Variants in MGAT4C observed in about 807,000 individuals in gnomAD.
MGAT4C encodes the protein alpha-1,3-mannosyl-glycoprotein 4-beta-N-acetylglucosaminyltransferase C.
A neutral mutation model predicts 40.1 loss-of-function variants in MGAT4C; 19 were observed. That is an observed-to-expected ratio of 0.47 (90% CI 0.33 to 0.70). The LOEUF is 0.70. Among genes scored for constraint, MGAT4C ranks in the 30% least tolerant of loss-of-function variants. The pLI is 0.02. For synonymous variants in MGAT4C, 181 were observed against 187.1 expected (o/e 0.97, Z 0.27); for missense variants, 491 against 563.2 (o/e 0.87, Z 1.30).
intron 1 of MGAT4C, among the ~76,000 whole-genome samples, chr12:86,210,135 T>A (rs1461480389): frequency 6.6e-6 from 1 of 152,160 alleles, no homozygotes; most frequent in Non-Finnish European, 1.5e-5. Context: ...AGAACATGCT[T>A]TTTGAATCGT....
intron 2 of MGAT4C, among the ~76,000 whole-genome samples, chr12:86,646,299 A>T (rs1430274561): frequency 6.6e-6 from 1 of 151,886 alleles, no homozygotes; most frequent in East Asian, 1.9e-4. Context: ...GAGTTCTTTC[A>T]TATTGCCAAG....
intron 2 of MGAT4C, among the ~76,000 whole-genome samples, chr12:86,655,758 C>T (rs1963833773): frequency 2.0e-5 from 3 of 152,048 alleles, no homozygotes; most frequent in African/African-American, 7.2e-5. Context: ...AATCCTAGAA[C>T]CATGCTTCTT....
intron 2 of MGAT4C, among the ~76,000 whole-genome samples, chr12:86,674,031 A>C (rs561380921): frequency 1.3e-5 from 2 of 152,216 alleles, no homozygotes; most frequent in Non-Finnish European, 2.9e-5. Context: ...TTAAAGAATA[A>C]ATTATAAAAT....
chr12:86,664,836 A>G (rs1217692876), intron 2 of MGAT4C, among the ~76,000 whole-genome samples: 1 of 152,224 alleles, frequency 6.6e-6, no homozygotes, highest in Non-Finnish European at 1.5e-5. Context: ...AGTTAACTGT[A>G]AATGCCAACA....
intron 1 of MGAT4C, among the ~76,000 whole-genome samples, chr12:86,255,295 C>T (rs1227049166): frequency 2.0e-5 from 3 of 152,138 alleles, no homozygotes; most frequent in African/African-American, 4.8e-5. Context: ...TAATAATAGA[C>T]AACATTTGAG....
chr12:86,201,684 T>C (rs1950056745), intron 1 of MGAT4C, among the ~76,000 whole-genome samples: 1 of 151,790 alleles, frequency 6.6e-6, no homozygotes. Flanking sequence ...GTTAGTCCAT[T>C]TGTAACAAAT....
At chr12:86,182,633 T>G (rs1243592134) in intron 1 of MGAT4C, among the ~76,000 whole-genome samples, 1 of 152,156 alleles carries the variant, frequency 6.6e-6, no homozygotes, top group African/African-American at 2.4e-5. Context: ...CTATTTAGTT[T>G]TCTCCTTTAT....
At chr12:85,998,573 T>C (rs1375835773) in intron 2 of MGAT4C, among the ~76,000 whole-genome samples, 1 of 152,188 alleles carries the variant, frequency 6.6e-6, no homozygotes, top group Non-Finnish European at 1.5e-5. Context: ...TTCCACTAGA[T>C]ACACTAAATC....
chr12:86,156,401 C>A (rs1884935429), intron 1 of MGAT4C, among the ~76,000 whole-genome samples: 1 of 152,190 alleles, frequency 6.6e-6, no homozygotes, highest in African/African-American at 2.4e-5. Flanking sequence ...CGGCTCACCG[C>A]AACCTCCGTG....
At chr12:86,450,151 T>A (rs1158811367) in intron 2 of MGAT4C, among the ~76,000 whole-genome samples, 4 of 152,252 alleles carry the variant, frequency 2.6e-5, no homozygotes, top group Non-Finnish European at 1.5e-5. Flanking sequence ...GGCGGCAGTG[T>A]CAGTTTCCAC....
chr12:86,017,890 A>ATTACATTTCT (rs1280738193), intron 2 of MGAT4C, among the ~76,000 whole-genome samples: 1 of 152,164 alleles, frequency 6.6e-6, no homozygotes. Flanking sequence ...TACAAATGTT[A>ATTACATTTCT]TTACATTTCT....
In MGAT4C at chr12:86,517,928, G is replaced by A. The variant is rs1207865339; in HGVS notation, c.-228-82663C>T. ...CTCCCAAAGTGCTGGGATTACAGGC[G>A]TGAGCCACCGTGCCCGGCCGACTTT... On this transcript the variant is annotated intron_variant, in intron 2 of 7. Transcript: ENST00000548651. 2.0e-5 allele frequency among the ~76,000 whole-genome samples: 3 copies of A among 152,134 alleles called. No individual in the cohort carries two copies. The East Asian group carries it at 5.8e-4, about 29-fold the overall frequency.
rs552699059 is a variant in MGAT4C, at chr12:86,321,070, A to C, written c.-57+12995T>G. On this transcript the variant is annotated intron_variant, in intron 4 of 7. Coordinates refer to the MGAT4C transcript ENST00000548651. ...TCTTTTAATAGAAAAAAACTAGATA[A>C]ATCTTAAAACCATTTTTATACATTT... Among the ~76,000 whole-genome samples the C allele has an allele frequency of 2.4e-4, 37 of 152,278 alleles. No homozygotes were observed. The East Asian group carries it at 6.8e-3, about 28-fold the overall frequency.
intron 2 of MGAT4C, among the ~76,000 whole-genome samples, chr12:86,497,816 C>T (rs529827987): frequency 2.7e-5 from 4 of 148,340 alleles, no homozygotes; most frequent in Non-Finnish European, 6.0e-5. Flanking sequence ...ATTGCTATAG[C>T]TCTATGCAAA....
At chr12:86,674,461 C>T (rs983941041) in intron 2 of MGAT4C, among the ~76,000 whole-genome samples, 4 of 151,980 alleles carry the variant, frequency 2.6e-5, no homozygotes, top group African/African-American at 9.7e-5. Flanking sequence ...TTTGTGAGGG[C>T]GAGATGGGAG....
intron 1 of MGAT4C, among the ~76,000 whole-genome samples, chr12:86,774,325 T>TTCTTTCTTTCTTTCTTTCTTTCTTTCTG (rs1951705030): frequency 9.7e-6 from 1 of 102,710 alleles, no homozygotes; most frequent in African/African-American, 3.5e-5. Flanking sequence ...CTTTCTTTCT[T>TTCTTTCTTTCTTTCTTTCTTTCTTTCTG]TCTTTCTTTC....
chr12:86,141,735 T>C (rs913526626), intron 1 of MGAT4C, among the ~76,000 whole-genome samples: 1 of 152,184 alleles, frequency 6.6e-6, no homozygotes, highest in African/African-American at 2.4e-5. Flanking sequence ...AAAAAAAAGC[T>C]TTTTAAGTTT....
intron 2 of MGAT4C, among the ~76,000 whole-genome samples, chr12:86,002,833 C>T (rs369077700): frequency 1.5e-4 from 23 of 152,048 alleles, no homozygotes; most frequent in South Asian, 6.2e-4. Context: ...CAGATTCTCA[C>T]GCTGTCACTC....
At chr12:86,792,190 T>G (rs1421220808) in intron 1 of MGAT4C, among the ~76,000 whole-genome samples, 1 of 152,200 alleles carries the variant, frequency 6.6e-6, no homozygotes, top group African/African-American at 2.4e-5. Context: ...TACGTCAAAT[T>G]TATTGTACTC....
Sources: gnomAD v4.1 joint callset for allele counts (sites outside exome capture counted in the v4.1 genomes callset) on GRCh38, gnomAD v4.1.1 for gene constraint, MANE v1.5 for transcripts, NCBI Gene and HGNC (gene_info 2026-07-23, HGNC 2026-07-21) for gene names.